COL16A1: variants seen among roughly 807,000 people sequenced by gnomAD.
The protein encoded by COL16A1 is collagen alpha-1(XVI) chain.
COL16A1 carries 189 observed loss-of-function variants against 266.3 expected under a neutral mutation model. The ratio of observed to expected loss-of-function variants is 0.71; its 90% CI spans 0.63 to 0.80. The LOEUF (loss-of-function observed/expected upper bound fraction) is 0.80. Among genes scored for constraint, COL16A1 ranks in the 30% least tolerant of loss-of-function variants. The pLI, the probability that COL16A1 is intolerant of heterozygous loss-of-function variation, is 0.00. For missense variants in COL16A1, 1,928 were observed against 2,122.4 expected (o/e 0.91, Z 1.80); for synonymous variants, 740 against 782.3 (o/e 0.95, Z 0.90).
At chr1:31,689,126 TG>T in intron 23 of COL16A1, 41 bp from the exon 24 acceptor site, 1 of 1,612,602 alleles carries the variant, frequency 6.2e-7, no homozygotes, top group Non-Finnish European at 8.5e-7. Flanking sequence ...CAGGGCACGA[TG>T]GGGCACCCCC....
intron 30 of COL16A1, 30 bp downstream of exon 30, chr1:31,684,791 C>T (rs1643889893): frequency 6.2e-7 from 1 of 1,614,034 alleles, no homozygotes; most frequent in South Asian, 1.1e-5. Flanking sequence ...GATGCCATGC[C>T]CACCCCCGTG....
At position 31,692,050 on chromosome 1, in the gene COL16A1, C is replaced by A; in HGVS notation, c.1212G>T (p.Lys404Asn). Reference sequence around the variant, plus strand: ...GCACGCCCTTGATGCCTCCGTCGCCCTTCTCGCCTTTCTGGCCCTGGGGAA... The same window carrying A: ...GCACGCCCTTGATGCCTCCGTCGCCATTCTCGCCTTTCTGGCCCTGGGGAA... ...STGEKGQKGEKGDGGIKGVPG... is the reference protein window; with the variant it reads ...STGEKGQKGENGDGGIKGVPG... Residue 404 changes from lysine (K) to asparagine (N), a missense_variant, in exon 17 of 71, where the codon AAG (lysine) becomes AAT (asparagine). By Grantham distance (94) the Lys-to-Asn change is moderately conservative (BLOSUM62 0). Transcript: ENST00000373672. 1 of 1,613,862 alleles carries A rather than the reference C, an allele frequency of 6.2e-7. No individual in the cohort carries two copies. Among genetic ancestry groups the A allele is most frequent in the Non-Finnish European group, 8.5e-7 (1 of 1,180,014 alleles).
chr1:31,696,221 G>A (rs1287585409), intron 8 of COL16A1, 80 bp from the exon 9 acceptor site: 4 of 1,288,244 alleles, frequency 3.1e-6, no homozygotes, highest in East Asian at 2.3e-5. Flanking sequence ...CCCAGGCAGG[G>A]GGCATGGGCC....
rs763722249 is a variant in COL16A1 at position 31,695,219 on chromosome 1, A to G, written c.948T>C (p.Cys316=). 1.9e-6 allele frequency: 3 copies of G among 1,613,736 alleles called. No homozygotes were observed. Among genetic ancestry groups the G allele is most frequent in the East Asian group, 2.2e-5 (1 of 44,880 alleles). Residue 316 remains cysteine (C), a splice_region_variant and synonymous_variant, in exon 11 of 71, where the codon TGT becomes TGC. Coordinates refer to ENST00000373672, the MANE Select transcript of COL16A1 (RefSeq NM_001856.4). ...KVHQETAADE[C]PPCVHGARDS... The stretch of plus-strand genomic sequence containing the variant: ...CCCGGGCACCATGGACACAGGGCGG[A>G]CACTGAAAGGGAAGAGCAGGCGAAG...
chr1:31,665,864 G>A lies in COL16A1; in HGVS notation c.3456+18C>T. 6.2e-7 allele frequency: 1 copy of A among 1,614,118 alleles called. No homozygotes were observed. Among genetic ancestry groups the A allele is most frequent in the Non-Finnish European group, 8.5e-7 (1 of 1,180,002 alleles). On this transcript the variant is annotated intron_variant, in intron 54 of 70. Coordinates refer to ENST00000373672, the MANE Select transcript of COL16A1 (RefSeq NM_001856.4). Reference sequence around the variant, plus strand: ...TCCTTCCCTGCCTCCCTGCAGCCAGGTCCCAGTCGTCACTCACCTGGTCGC... The same window carrying A: ...TCCTTCCCTGCCTCCCTGCAGCCAGATCCCAGTCGTCACTCACCTGGTCGC...
chr1:31,691,175 C>T lies in COL16A1; in HGVS notation c.1437+13G>A. 1.2e-6 allele frequency: 2 copies of T among 1,613,514 alleles called. No individual in the cohort carries two copies. Among genetic ancestry groups the T allele is most frequent in the Non-Finnish European group, 1.7e-6 (2 of 1,179,716 alleles). On this transcript the variant is annotated intron_variant, in intron 20 of 70. Transcript: ENST00000373672. ...GGAGCTCCCCACGTGACCACACTCC[C>T]ACCTATGCTCACCTTGTCTCCCTTG... is the stretch of plus-strand genomic sequence containing the variant.
At position 31,652,910 on chromosome 1, in the gene COL16A1, G is replaced by T; in HGVS notation, c.4613-57C>A. ...AGAAGACCCAGATCATAAGGGAAAA[G>T]AAGCCATAATGGCATCAAATAATAC... is the stretch of plus-strand genomic sequence containing the variant. On this transcript the variant is annotated intron_variant, in intron 70 of 70. Transcript: ENST00000373672. The surrounding 1 kb of genome is among the most constrained non-coding windows in gnomAD (Gnocchi z 4.8). The T allele has an allele frequency of 7.1e-7, 1 of 1,402,514 alleles. No homozygotes were observed. The highest frequency in any genetic ancestry group is 9.3e-7 in the Non-Finnish European group (1 of 1,071,362). 86.9% of individuals were successfully genotyped at this position (1,402,514 alleles called of 1,614,324 possible).
chr1:31,693,037 C>T, intron 13 of COL16A1, 55 bp downstream of exon 13: 1 of 1,205,694 alleles, frequency 8.3e-7, no homozygotes. Context: ...CATCCCACCT[C>T]ACCCCAGGGC....
Position 31,658,516 on chromosome 1 carries a change from G to A in COL16A1, c.3992C>T (p.Pro1331Leu). The change falls in exon 64 of 71, where the codon CCC (proline) becomes CTC (leucine). Residue 1331 changes from proline (P) to leucine (L), a missense_variant. Transcript: ENST00000373672. ...ERGLAGLPGQ[P>L]GPPGHPGPPG... The stretch of plus-strand genomic sequence containing the variant: ...GGGGCCAGGGTGTCCAGGGGGGCCG[G>A]GCTGGCCTGGGAGGCCTGCAAGGCC... 3 of 1,605,172 alleles carry A rather than the reference G, an allele frequency of 1.9e-6. No homozygotes were observed. Among genetic ancestry groups the A allele is most frequent in the Non-Finnish European group, 2.5e-6 (3 of 1,176,854 alleles).
chr1:31,692,571 C>G (rs768945659), intron 15 of COL16A1, 27 bp downstream of exon 15: 1 of 1,614,128 alleles, frequency 6.2e-7, no homozygotes. Context: ...CCCACCATCC[C>G]TGCCCTATCC....
chr1:31,670,217 C>T lies in COL16A1; in HGVS notation c.3195+385G>A. ...AGGCAACGCCGAAGGTGGTGAGAAG[C>T]AGGAGGCAGAGCGAGAAGGCAGGAA... On this transcript the variant is annotated intron_variant, in intron 49 of 70. Coordinates refer to ENST00000373672, the MANE Select transcript of COL16A1 (RefSeq NM_001856.4). This position sits in a 1 kb window ranked among gnomAD's most constrained non-coding sequence, Gnocchi z 4.5. 4.5e-6 allele frequency: 1 copy of T among 220,950 alleles called. No homozygotes were observed. The highest frequency in any genetic ancestry group is 8.8e-6 in the Non-Finnish European group (1 of 113,178). 13.7% of individuals were successfully genotyped at this position (220,950 alleles called of 1,614,324 possible).
At chr1:31,691,283 A>T (rs1644254025) in intron 19 of COL16A1, 57 bp from the exon 20 acceptor site, 7 of 1,606,620 alleles carry the variant, frequency 4.4e-6, no homozygotes, top group Non-Finnish European at 5.1e-6. Flanking sequence ...CTACAGCGAG[A>T]TCTTCTACCC....
chr1:31,699,598 G>A (rs1038904189), intron 4 of COL16A1, among the ~76,000 whole-genome samples: 1 of 152,208 alleles, frequency 6.6e-6, no homozygotes, highest in African/African-American at 2.4e-5. Flanking sequence ...CCCACTGCTG[G>A]CCAGAGACAG....
intron 4 of COL16A1, among the ~76,000 whole-genome samples, chr1:31,699,538 G>A (rs1046720854): frequency 2.0e-5 from 3 of 152,168 alleles, no homozygotes; most frequent in Non-Finnish European, 2.9e-5. Context: ...CCAGGTTCCC[G>A]CCCACATCCT....
In COL16A1 at chr1:31,653,850, C is replaced by A. The variant is rs746989927; in HGVS notation, c.4534+17G>T. ...AAGAATTACATGTGTCCCTTGGGAA[C>A]TGTAGGGCAGAGCTACCTCTTACTC... On this transcript the variant is annotated intron_variant, in intron 69 of 70. Transcript: ENST00000373672. 4.6e-5 allele frequency: 74 copies of A among 1,602,032 alleles called. No individual in the cohort carries two copies. The highest frequency in any genetic ancestry group is 5.8e-5 in the Non-Finnish European group (68 of 1,172,692).
Position 31,652,808 on chromosome 1 carries a change from G to C in COL16A1, c.4658C>G (p.Pro1553Arg). ...GCCAGGGATGCCTTGCTGGCCCATT[G>C]GTCCTGTTGCACCCATCTTGCCATA... The part of the protein sequence containing the change: ...PGYGKMGATG[P>R]MGQQGIPGIP... Residue 1553 changes from proline (P) to arginine (R), a missense_variant, in exon 71 of 71, where the codon CCA becomes CGA. Transcript: ENST00000373672. The surrounding 1 kb of genome is among the most constrained non-coding windows in gnomAD (Gnocchi z 4.8). 4 of 1,592,652 alleles carry C rather than the reference G, an allele frequency of 2.5e-6. No individual in the cohort carries two copies. Among genetic ancestry groups the C allele is most frequent in the Non-Finnish European group, 3.4e-6 (4 of 1,172,228 alleles).
At position 31,688,279 on chromosome 1, in the gene COL16A1, C is replaced by A. The variant is rs1644089635; in HGVS notation, c.1803+188G>T. Among the ~76,000 whole-genome samples, 1 of 152,292 alleles carries A rather than the reference C, an allele frequency of 6.6e-6. No individual in the cohort carries two copies. Among genetic ancestry groups the A allele is most frequent in the Admixed American group, 6.5e-5 (1 of 15,304 alleles). On this transcript the variant is annotated intron_variant, in intron 26 of 70. Coordinates refer to ENST00000373672, the MANE Select transcript of COL16A1 (RefSeq NM_001856.4). The surrounding 1 kb of genome is among the most constrained non-coding windows in gnomAD (Gnocchi z 4.9). ...ACAGCTACACTAAGGAATTCTCTTA[C>A]AGAACATGAGGGCTCTCAGAAATAA...
chr1:31,683,930 G>A lies in COL16A1; in HGVS notation c.2337+20C>T. On this transcript the variant is annotated intron_variant, in intron 33 of 70. Coordinates refer to ENST00000373672, the MANE Select transcript of COL16A1 (RefSeq NM_001856.4). Reference sequence around the variant, plus strand: ...TGCCCTCACGTAGCTACGGCCCAGGGCCCCAAGACTCACACATACCTGCAC... The same window carrying A: ...TGCCCTCACGTAGCTACGGCCCAGGACCCCAAGACTCACACATACCTGCAC... 1 of 1,614,004 alleles carries A rather than the reference G, an allele frequency of 6.2e-7. No homozygotes were observed. Among genetic ancestry groups the A allele is most frequent in the Non-Finnish European group, 8.5e-7 (1 of 1,179,976 alleles).
At chr1:31,680,744 C>T (rs897317685) in intron 39 of COL16A1, among the ~76,000 whole-genome samples, 161 bp downstream of exon 39, 1 of 152,156 alleles carries the variant, frequency 6.6e-6, no homozygotes, top group African/African-American at 2.4e-5. Flanking sequence ...CTCCTCCACC[C>T]CCATCCTCCA....
Sources: gnomAD v4.1 joint callset for allele counts (sites outside exome capture counted in the v4.1 genomes callset) on GRCh38, gnomAD v4.1.1 for gene constraint, Gnocchi (gnomAD v3.1) non-coding constraint, MANE v1.5 for transcripts, NCBI Gene and HGNC (gene_info 2026-07-23, HGNC 2026-07-21) for gene names.